Variants in PLAGL1 observed in about 807,000 individuals in gnomAD.
The protein encoded by PLAGL1 is PLAG1 like zinc finger 1.
A neutral mutation model predicts 4.6 loss-of-function variants in PLAGL1; 1 was observed. The ratio of observed to expected loss-of-function variants is 0.22; its 90% CI spans 0.08 to 1.03. PLAGL1 has a LOEUF of 1.03. PLAGL1 is among the 50% of genes least tolerant of loss of function. The probability of loss-of-function intolerance (pLI) is 0.58; values close to 1 mark genes in which losing one functional copy is unlikely to be tolerated. For missense variants in PLAGL1, 464 were observed against 570.4 expected (o/e 0.81, Z 1.90); for synonymous variants, 240 against 237.8 (o/e 1.01, Z -0.08).
chr6:143,961,671 C>T lies in PLAGL1; in HGVS notation c.-398-1129G>A, dbSNP rs536834902. Among the ~76,000 whole-genome samples, 1 of 152,156 alleles carries T rather than the reference C, an allele frequency of 6.6e-6. No individual in the cohort carries two copies. Among genetic ancestry groups the T allele is most frequent in the Non-Finnish European group, 1.5e-5 (1 of 68,040 alleles). On this transcript the variant is annotated intron_variant, in intron 5 of 7. Transcript: ENST00000674357. This position sits in a 1 kb window ranked among gnomAD's most constrained non-coding sequence, Gnocchi z 6.5. ...AATCATCTTTATGGTCCATCTCTTT[C>T]CTCAAAATGCTCAACATTTATTGTG...
intron 2 of PLAGL1, among the ~76,000 whole-genome samples, chr6:143,969,755 C>G (rs1263507057): frequency 2.6e-5 from 4 of 151,734 alleles, no homozygotes; most frequent in Non-Finnish European, 4.4e-5. Context: ...GAAGAAAAAG[C>G]CACTAAAAGG....
chr6:143,942,697 G>C lies in PLAGL1; in HGVS notation c.153-34C>G. On this transcript the variant is annotated intron_variant, in intron 7 of 7. Coordinates refer to ENST00000674357, the MANE Select transcript of PLAGL1 (RefSeq NM_001317162.2). The surrounding 1 kb of genome is among the most constrained non-coding windows in gnomAD (Gnocchi z 7.6). Reference sequence around the variant, plus strand: ...AGAAGGAGAAATTTCACAATAGAGAGTTGTTTTAAGAGCTGAAGAAAGGTG... The same window carrying C: ...AGAAGGAGAAATTTCACAATAGAGACTTGTTTTAAGAGCTGAAGAAAGGTG... 1 of 1,536,634 alleles carries C rather than the reference G, an allele frequency of 6.5e-7. No homozygotes were observed. The highest frequency in any genetic ancestry group is 2.3e-5 in the East Asian group (1 of 44,356).
In PLAGL1 at chr6:144,039,531, AGCCAAGATTGT is replaced by A. The variant is rs1471377512; in HGVS notation, c.-151+24926_-151+24936del. Among the ~76,000 whole-genome samples, 1 of 152,212 alleles carries A rather than the reference AGCCAAGATTGT, an allele frequency of 6.6e-6. No individual in the cohort carries two copies. Among genetic ancestry groups the A allele is most frequent in the Non-Finnish European group, 1.5e-5 (1 of 68,034 alleles). Reference sequence around the variant, plus strand: ...AACCTGGGAGGTGGAGGTTGCAGTGAGCCAAGATTGTGCCACTTCACTTCAGCCTGGGTGAC... The same window carrying A: ...AACCTGGGAGGTGGAGGTTGCAGTGAGCCACTTCACTTCAGCCTGGGTGAC... On this transcript the variant is annotated intron_variant, in intron 1 of 3. Coordinates refer to the PLAGL1 transcript ENST00000437412. This position sits in a 1 kb window ranked among gnomAD's most constrained non-coding sequence, Gnocchi z 4.1.
rs1398051880 is a variant in PLAGL1, at chr6:143,968,491, T to C, written c.-472+416A>G. ...TTTTTTTCCTAATATTTCTTTAAGATAAAACCATTTAAAAACATCTTTTTA... is the reference window on the plus strand; with the variant it reads ...TTTTTTTCCTAATATTTCTTTAAGACAAAACCATTTAAAAACATCTTTTTA... On this transcript the variant is annotated intron_variant, in intron 3 of 7. Coordinates refer to ENST00000674357, the MANE Select transcript of PLAGL1 (RefSeq NM_001317162.2). This position sits in a 1 kb window ranked among gnomAD's most constrained non-coding sequence, Gnocchi z 6.3. 1 of 152,142 alleles carries C rather than the reference T, an allele frequency of 6.6e-6. No individual in the cohort carries two copies. The highest frequency in any genetic ancestry group is 2.4e-5 in the African/African-American group (1 of 41,518). The allele number at this position is 152,142 out of a possible 1,614,324, so 9.4% of individuals were successfully genotyped here.
rs1797107006 is a variant in PLAGL1 at position 144,034,901 on chromosome 6, A to G, written c.-151+29567T>C. Among the ~76,000 whole-genome samples, 2 of 152,204 alleles carry G rather than the reference A, an allele frequency of 1.3e-5. No homozygotes were observed. Among genetic ancestry groups the G allele is most frequent in the South Asian group, 2.1e-4 (1 of 4,832 alleles). On this transcript the variant is annotated intron_variant, in intron 1 of 3. Coordinates refer to the PLAGL1 transcript ENST00000437412. The surrounding 1 kb of genome is among the most constrained non-coding windows in gnomAD (Gnocchi z 4.7). The stretch of plus-strand genomic sequence containing the variant: ...TCCTCCCAGAGCCTGATCTAGGACT[A>G]CAGCTGAAGGCTTTCAGGTTTGGAC...
intron 1 of PLAGL1, among the ~76,000 whole-genome samples, chr6:143,987,274 G>A (rs1480980851): frequency 6.6e-6 from 1 of 151,712 alleles, no homozygotes; most frequent in Non-Finnish European, 1.5e-5. Flanking sequence ...ACGTGATCAA[G>A]GTTCACTGCA....
rs1326311309 is a variant in PLAGL1 at position 143,953,982 on chromosome 6, G to A, written c.-324-5522C>T. On this transcript the variant is annotated intron_variant, in intron 6 of 7. Coordinates refer to ENST00000674357, the MANE Select transcript of PLAGL1 (RefSeq NM_001317162.2). The surrounding 1 kb of genome is among the most constrained non-coding windows in gnomAD (Gnocchi z 5.3). ...TTCCCCTAGCACAAGTGCTCGCTAT[G>A]GAGACTGTATGAAAGTGGGGGAGTA... is the stretch of plus-strand genomic sequence containing the variant. 2.6e-5 allele frequency among the ~76,000 whole-genome samples: 4 copies of A among 152,204 alleles called. No individual in the cohort carries two copies. The highest frequency in any genetic ancestry group is 2.9e-5 in the Non-Finnish European group (2 of 68,030).
rs1583810120 is a variant in PLAGL1, at chr6:144,034,663, A to T, written c.-151+29805T>A. ...CAAAATTTCATCTACAATATCAAAC[A>T]TGGAACTTAACTTTGGAGTTTATTT... On this transcript the variant is annotated intron_variant, in intron 1 of 3. Transcript: ENST00000437412. The surrounding 1 kb of genome is among the most constrained non-coding windows in gnomAD (Gnocchi z 4.7). Among the ~76,000 whole-genome samples, 1 of 152,030 alleles carries T rather than the reference A, an allele frequency of 6.6e-6. No individual in the cohort carries two copies. The highest frequency in any genetic ancestry group is 1.5e-5 in the Non-Finnish European group (1 of 67,988).
Position 143,941,001 on chromosome 6 carries a change from A to C in PLAGL1, c.*423T>G, listed in dbSNP as rs988512845. On this transcript the variant is annotated 3_prime_UTR_variant, in exon 8 of 8. Coordinates refer to ENST00000674357, the MANE Select transcript of PLAGL1 (RefSeq NM_001317162.2). This position sits in a 1 kb window ranked among gnomAD's most constrained non-coding sequence, Gnocchi z 6.0. The stretch of plus-strand genomic sequence containing the variant: ...ACAGCCTAGTCATAGTATATCATAT[A>C]AAGGTTATTTTCTTATTTTGAAAAT... 9 of 154,552 alleles carry C rather than the reference A, an allele frequency of 5.8e-5. No homozygotes were observed. The highest frequency in any genetic ancestry group is 1.7e-4 in the African/African-American group (7 of 41,514). 9.6% of individuals were successfully genotyped at this position (154,552 alleles called of 1,614,324 possible).
chr6:144,019,724 G>A (rs1178369368), intron 1 of PLAGL1, among the ~76,000 whole-genome samples: 1 of 151,568 alleles, frequency 6.6e-6, no homozygotes, highest in Non-Finnish European at 1.5e-5. Context: ...GGGGGGTAGG[G>A]GAGCACATTG....
intron 2 of PLAGL1, among the ~76,000 whole-genome samples, chr6:143,969,376 A>G (rs1015349599): frequency 5.9e-5 from 9 of 152,164 alleles, no homozygotes; most frequent in African/African-American, 2.2e-4. Context: ...TTTGAGAATT[A>G]AATAAACTAA....
In PLAGL1 at chr6:143,947,909, C is replaced by A; in HGVS notation, c.152+76G>T. On this transcript the variant is annotated intron_variant, in intron 7 of 7. Coordinates refer to ENST00000674357, the MANE Select transcript of PLAGL1 (RefSeq NM_001317162.2). This position sits in a 1 kb window ranked among gnomAD's most constrained non-coding sequence, Gnocchi z 4.3. ...CATATCCTGTGTCCCTTTCCCCTTGCATCGTGTGGTCTGAGGGCTAGAAAA... is the reference window on the plus strand; with the variant it reads ...CATATCCTGTGTCCCTTTCCCCTTGAATCGTGTGGTCTGAGGGCTAGAAAA... The A allele has an allele frequency of 8.2e-7, 1 of 1,218,420 alleles. No individual in the cohort carries two copies. 75.5% of individuals were successfully genotyped at this position (1,218,420 alleles called of 1,614,324 possible). A position where few individuals can be genotyped will look rare whatever the true frequency, so the allele number is the denominator to read the frequency against.
At position 144,059,195 on chromosome 6, in the gene PLAGL1, T is replaced by G. The variant is rs1470573650; in HGVS notation, c.-151+5273A>C. On this transcript the variant is annotated intron_variant, in intron 1 of 3. Coordinates refer to the PLAGL1 transcript ENST00000437412. This position sits in a 1 kb window ranked among gnomAD's most constrained non-coding sequence, Gnocchi z 4.9. The stretch of plus-strand genomic sequence containing the variant: ...ACCCACAGGAAGCTGCTAAGGCTTA[T>G]GGCACCTTGCACTCCCCAAAGCCAC... Among the ~76,000 whole-genome samples the G allele has an allele frequency of 6.6e-6, 1 of 152,240 alleles. No homozygotes were observed. Among genetic ancestry groups the G allele is most frequent in the African/African-American group, 2.4e-5 (1 of 41,472 alleles).
In PLAGL1 at chr6:144,027,077, A is replaced by G. The variant is rs376789561; in HGVS notation, c.-151+37391T>C. ...CTACAAAAACAAAATTAAAAAAATTAGTCAGCCGCGGTGGCATGCATCTGT... is the reference window on the plus strand; with the variant it reads ...CTACAAAAACAAAATTAAAAAAATTGGTCAGCCGCGGTGGCATGCATCTGT... On this transcript the variant is annotated intron_variant, in intron 1 of 3. Transcript: ENST00000437412. This position sits in a 1 kb window ranked among gnomAD's most constrained non-coding sequence, Gnocchi z 5.8. Among the ~76,000 whole-genome samples the G allele has an allele frequency of 6.6e-6, 1 of 151,946 alleles. No homozygotes were observed. The highest frequency in any genetic ancestry group is 1.9e-4 in the East Asian group (1 of 5,142).
rs1785670943 is a variant in PLAGL1 at position 143,972,724 on chromosome 6, G to A, written c.-543-3746C>T. Among the ~76,000 whole-genome samples the A allele has an allele frequency of 6.6e-6, 1 of 152,064 alleles. No homozygotes were observed. The highest frequency in any genetic ancestry group is 6.6e-5 in the Admixed American group (1 of 15,254). ...TAATGAATGAAAGATGGATTTTAGA[G>A]AGTTTCATATAATATCAATAATGCT... is the stretch of plus-strand genomic sequence containing the variant. On this transcript the variant is annotated intron_variant, in intron 2 of 7. Coordinates refer to ENST00000674357, the MANE Select transcript of PLAGL1 (RefSeq NM_001317162.2). The surrounding 1 kb of genome is among the most constrained non-coding windows in gnomAD (Gnocchi z 6.8).
At position 143,984,424 on chromosome 6, in the gene PLAGL1, T is replaced by C. The variant is rs1204279143; in HGVS notation, c.-544+711A>G. On this transcript the variant is annotated intron_variant, in intron 2 of 7. Coordinates refer to ENST00000674357, the MANE Select transcript of PLAGL1 (RefSeq NM_001317162.2). The surrounding 1 kb of genome is among the most constrained non-coding windows in gnomAD (Gnocchi z 5.5). Reference sequence around the variant, plus strand: ...TAATTTGATTTTAACTCAGCTTTTTTCCCAAATTTAAATGACCATATGCTC... The same window carrying C: ...TAATTTGATTTTAACTCAGCTTTTTCCCCAAATTTAAATGACCATATGCTC... 6.6e-6 allele frequency among the ~76,000 whole-genome samples: 1 copy of C among 152,120 alleles called. No homozygotes were observed. The highest frequency in any genetic ancestry group is 2.4e-5 in the African/African-American group (1 of 41,430).
At chr6:143,976,285 CTTTTTTTTT>C (rs58569870) in intron 2 of PLAGL1, among the ~76,000 whole-genome samples, 4 of 113,258 alleles carry the variant, frequency 3.5e-5, no homozygotes, top group Non-Finnish European at 7.0e-5. Flanking sequence ...GATTTCTTTT[CTTTTTTTTT>C]TTTTTTTTGG....
chr6:143,966,347 C>G lies in PLAGL1; in HGVS notation c.-471-149G>C, dbSNP rs912011255. The G allele has an allele frequency of 1.6e-4, 24 of 152,244 alleles. No individual in the cohort carries two copies. The highest frequency in any genetic ancestry group is 1.5e-3 in the Admixed American group (23 of 15,280). 9.4% of individuals were successfully genotyped at this position (152,244 alleles called of 1,614,324 possible). On this transcript the variant is annotated intron_variant, in intron 3 of 7. Coordinates refer to ENST00000674357, the MANE Select transcript of PLAGL1 (RefSeq NM_001317162.2). The surrounding 1 kb of genome is among the most constrained non-coding windows in gnomAD (Gnocchi z 6.0). ...TATCAGTTATATACATTAAAATGGCCAAACAGTAATTCAAATAGCAAAACA... is the reference window on the plus strand; with the variant it reads ...TATCAGTTATATACATTAAAATGGCGAAACAGTAATTCAAATAGCAAAACA...
rs530952087 is a variant in PLAGL1 at position 143,982,905 on chromosome 6, C to A, written c.-544+2230G>T. ...TTTGATATGCCTATTAGACATCCAG[C>A]AATTGGATATTTTAATCTGGAGTTT... On this transcript the variant is annotated intron_variant, in intron 2 of 7. Transcript: ENST00000674357. This position sits in a 1 kb window ranked among gnomAD's most constrained non-coding sequence, Gnocchi z 5.3. Among the ~76,000 whole-genome samples the A allele has an allele frequency of 6.6e-6, 1 of 152,266 alleles. No individual in the cohort carries two copies. The highest frequency in any genetic ancestry group is 2.1e-4 in the South Asian group (1 of 4,832).
Sources: gnomAD v4.1 joint callset for allele counts (sites outside exome capture counted in the v4.1 genomes callset) on GRCh38, gnomAD v4.1.1 for gene constraint, Gnocchi (gnomAD v3.1) non-coding constraint, MANE v1.5 for transcripts, NCBI Gene and HGNC (gene_info 2026-07-23, HGNC 2026-07-21) for gene names.